The following ATP13A4 variants were observed in gnomAD, a reference collection of about 807,000 sequenced individuals.
The protein encoded by ATP13A4 is ATPase 13A4, also known as probable cation-transporting ATPase 13A4.
A neutral mutation model predicts 142.5 loss-of-function variants in ATP13A4; 114 were observed. That is an observed-to-expected ratio of 0.80 (90% CI 0.69 to 0.93). The LOEUF is 0.93. Ranked by LOEUF, ATP13A4 falls within the 40% of genes least tolerant of loss-of-function variation. The pLI, the probability that ATP13A4 is intolerant of heterozygous loss-of-function variation, is 0.00. For synonymous variants in ATP13A4, 488 were observed against 514.8 expected (o/e 0.95, Z 0.70); for missense variants, 1,392 against 1,454.0 (o/e 0.96, Z 0.69).
chr3:193,474,322 C>CAAAAAAAAAAAAAAAAAAAAAAAA (rs1176133187), intron 8 of ATP13A4, among the ~76,000 whole-genome samples: 16 of 69,066 alleles, frequency 2.3e-4, no homozygotes, highest in Admixed American at 3.9e-4. Context: ...GACTCCGTCT[C>CAAAAAAAAAAAAAAAAAAAAAAAA]AAAAAAAAAA....
chr3:193,402,841 G>A lies in ATP13A4; in HGVS notation c.3402C>T (p.Ala1134=). The A allele has an allele frequency of 1.9e-6, 3 of 1,613,980 alleles. No homozygotes were observed. The highest frequency in any genetic ancestry group is 2.5e-6 in the Non-Finnish European group (3 of 1,179,964). ...AACATCTTTTAATCATCATCCACAG[G>A]GCTCGATTTTCAATAACAGCCTCCT... ...VAEEAVIENR[A]LWMMIKRCFG... is the part of the protein sequence containing the mutation. The change falls in exon 30 of 30, where the codon GCC becomes GCT. Residue 1134 remains alanine (A), a synonymous_variant. Transcript: ENST00000342695.
rs1307080962 is a variant in ATP13A4 at position 193,420,382 on chromosome 3, C to T, written c.2843-5632G>A. On this transcript the variant is annotated intron_variant, in intron 25 of 29. Transcript: ENST00000342695. ...ACCAAGACTCATCTGCAAGTGAAAG[C>T]CACTGTGTAAAGTTTGGAAGAGGTG... Among the ~76,000 whole-genome samples, 2 of 150,274 alleles carry T rather than the reference C, an allele frequency of 1.3e-5. 1 individual carries two copies. Among genetic ancestry groups the T allele is most frequent in the Non-Finnish European group, 2.9e-5 (2 of 67,894 alleles).
chr3:193,551,863 C>T (rs1243188106), intron 1 of ATP13A4, among the ~76,000 whole-genome samples: 1 of 152,232 alleles, frequency 6.6e-6, no homozygotes, highest in Admixed American at 6.5e-5. Flanking sequence ...CTTCTTTCTA[C>T]CTTTGGGTCC....
At chr3:193,561,473 T>C (rs926029406) in intron 2 of ATP13A4, among the ~76,000 whole-genome samples, 3 of 152,196 alleles carry the variant, frequency 2.0e-5, no homozygotes, top group East Asian at 3.9e-4. Flanking sequence ...GACTCTCAAG[T>C]GGATCAATCA....
At chr3:193,426,189 A>C (rs969173904) in intron 25 of ATP13A4, among the ~76,000 whole-genome samples, 1 of 151,842 alleles carries the variant, frequency 6.6e-6, no homozygotes, top group Non-Finnish European at 1.5e-5. Flanking sequence ...CATAAGATCA[A>C]CACAAAAACA....
chr3:193,517,805 G>T (rs1318910865), intron 1 of ATP13A4, among the ~76,000 whole-genome samples: 1 of 152,126 alleles, frequency 6.6e-6, no homozygotes, highest in African/African-American at 2.4e-5. Flanking sequence ...GCATTTCAAT[G>T]GATTTACCTC....
chr3:193,563,835 G>T (rs1252064540), intron 2 of ATP13A4, among the ~76,000 whole-genome samples: 2 of 152,102 alleles, frequency 1.3e-5, no homozygotes, highest in Non-Finnish European at 2.9e-5. Context: ...AGCACTGGAA[G>T]GAGAGAGATT....
rs936226305 is a variant in ATP13A4 at position 193,447,999 on chromosome 3, C to A, written c.2152+207G>T. On this transcript the variant is annotated intron_variant, in intron 18 of 29. Coordinates refer to ENST00000342695, the MANE Select transcript of ATP13A4 (RefSeq NM_032279.4). ...ATTTGTGTACCTCAAAACGCTGATA[C>A]TATTTGACTGATTGGTTGATCTTCT... 2.6e-5 allele frequency among the ~76,000 whole-genome samples: 4 copies of A among 152,322 alleles called. No homozygotes were observed. In the South Asian group the frequency reaches 8.3e-4, roughly 32 times the overall value.
At chr3:193,426,201 TC>T (rs1158495990) in intron 25 of ATP13A4, among the ~76,000 whole-genome samples, 1 of 151,594 alleles carries the variant, frequency 6.6e-6, no homozygotes, top group East Asian at 1.9e-4. Context: ...ACAAAAACAA[TC>T]ATCGTGTTTC....
At chr3:193,498,923 A>T (rs1465108377) in intron 3 of ATP13A4, among the ~76,000 whole-genome samples, 1 of 152,236 alleles carries the variant, frequency 6.6e-6, no homozygotes, top group Non-Finnish European at 1.5e-5. Context: ...GGCACAAAAT[A>T]AGTGCTCAAT....
At position 193,409,736 on chromosome 3, in the gene ATP13A4, A is replaced by G. The variant is rs576477345; in HGVS notation, c.3297+1246T>C. On this transcript the variant is annotated intron_variant, in intron 28 of 29. Transcript: ENST00000342695. ...GCTAAACATATTAGTATGTCAAACT[A>G]AAGATATTAGTTAGTATGCCAAATG... 4.6e-5 allele frequency among the ~76,000 whole-genome samples: 7 copies of G among 152,348 alleles called. No homozygotes were observed. The South Asian group carries it at 6.2e-4, about 14-fold the overall frequency.
intron 3 of ATP13A4, among the ~76,000 whole-genome samples, chr3:193,500,162 G>A (rs1720460247): frequency 6.6e-6 from 1 of 152,116 alleles, no homozygotes. Flanking sequence ...ATTCAGACCA[G>A]GAAACAGCAA....
intron 1 of ATP13A4, among the ~76,000 whole-genome samples, chr3:193,533,052 GT>G (rs1434531815): frequency 1.3e-5 from 2 of 151,986 alleles, no homozygotes; most frequent in Non-Finnish European, 2.9e-5. Context: ...ACTTTTCTGT[GT>G]TTTCAAAACT....
chr3:193,592,028 G>T (rs1392039248), intron 1 of ATP13A4, among the ~76,000 whole-genome samples: 1 of 151,640 alleles, frequency 6.6e-6, no homozygotes, highest in Non-Finnish European at 1.5e-5. Context: ...TCAATGGCTA[G>T]GTCTACTCTT....
intron 1 of ATP13A4, chr3:193,554,319 C>A: frequency 3.9e-6 from 1 of 253,412 alleles, no homozygotes; most frequent in Non-Finnish European, 7.7e-6. Flanking sequence ...GACCCAGCTG[C>A]ACTTCTGCTT....
chr3:193,467,075 G>T (rs1047728038), intron 10 of ATP13A4, among the ~76,000 whole-genome samples: 4 of 152,042 alleles, frequency 2.6e-5, no homozygotes, highest in African/African-American at 9.7e-5. Context: ...AAGGACAACT[G>T]CTTGAGGGAA....
At chr3:193,556,586 A>G (rs1172380385), upstream of ATP13A4, among the ~76,000 whole-genome samples, 1 of 151,996 alleles carries the variant, frequency 6.6e-6, no homozygotes, top group Non-Finnish European at 1.5e-5. Context: ...TAAAATTAAC[A>G]TTTTATCACA....
At chr3:193,457,179 G>T in intron 15 of ATP13A4, 26 bp from the exon 16 acceptor site, 1 of 1,612,318 alleles carries the variant, frequency 6.2e-7, no homozygotes, top group Non-Finnish European at 8.5e-7. Flanking sequence ...GGAAAGGAGA[G>T]GAACATGCTG....
At chr3:193,554,673 T>C (rs1723797736) in intron 1 of ATP13A4, 67 bp downstream of exon 1, 3 of 1,477,116 alleles carry the variant, frequency 2.0e-6, no homozygotes, top group Non-Finnish European at 2.8e-6. Flanking sequence ...TGTGTGTGTG[T>C]GTGTGTGTGT....
Sources: allele counts gnomAD v4.1 joint callset (sites outside exome capture counted in the v4.1 genomes callset), GRCh38; gene constraint gnomAD v4.1.1; transcripts MANE v1.5; gene names NCBI Gene and HGNC (gene_info 2026-07-23, HGNC 2026-07-21).